Variants in RYR2 observed in about 807,000 individuals in gnomAD.
RYR2 encodes ryanodine receptor 2.
Under a neutral mutation model 601.1 loss-of-function variants are expected in RYR2, and 227 were observed. The observed-to-expected ratio is 0.38, with a 90% CI of 0.34 to 0.42. The LOEUF is 0.42. Ranked by LOEUF, RYR2 falls within the 10% of genes least tolerant of loss-of-function variation. RYR2 has a pLI of 1.00. For missense variants in RYR2, 4,646 were observed against 6,156.5 expected, an observed-to-expected ratio of 0.75 and a Z score of 8.21; for synonymous variants, 2,223 against 2,175.1, an observed-to-expected ratio of 1.02 and a Z score of -0.61.
chr1:237,615,458 C>G (rs578159184), intron 37 of RYR2, among the ~76,000 whole-genome samples: 2 of 152,250 alleles, frequency 1.3e-5, no homozygotes, highest in Admixed American at 6.5e-5. Flanking sequence ...TCCCAAAATG[C>G]TAGGATTACA....
At chr1:237,571,694 C>T (rs1399042712) in intron 29 of RYR2, among the ~76,000 whole-genome samples, 1 of 152,168 alleles carries the variant, frequency 6.6e-6, no homozygotes, top group African/African-American at 2.4e-5. Flanking sequence ...GTTTTATATT[C>T]ATTCATTTAG....
intron 12 of RYR2, among the ~76,000 whole-genome samples, chr1:237,430,821 C>T (rs937834435): frequency 6.6e-6 from 1 of 152,074 alleles, no homozygotes; most frequent in South Asian, 2.1e-4. Context: ...CTTTTGAAAC[C>T]TTTTTCTCTG....
Position 237,358,748 on chromosome 1 carries a change from C to A in RYR2, c.294+2763C>A, listed in dbSNP as rs138558892. ...TAGGACTACACCCAGCCTTTTGCCTCTCAATCTCCAGGCATAGTAAGACAC... is the reference window on the plus strand; with the variant it reads ...TAGGACTACACCCAGCCTTTTGCCTATCAATCTCCAGGCATAGTAAGACAC... On this transcript the variant is annotated intron_variant, in intron 4 of 104. Transcript: ENST00000366574. 2.0e-4 allele frequency among the ~76,000 whole-genome samples: 31 copies of A among 152,026 alleles called. No individual in the cohort carries two copies. The East Asian group carries it at 5.9e-3, about 29-fold the overall frequency.
intron 1 of RYR2, among the ~76,000 whole-genome samples, chr1:237,172,227 T>G (rs1014813364): frequency 3.9e-5 from 6 of 152,234 alleles, no homozygotes; most frequent in Non-Finnish European, 7.4e-5. Flanking sequence ...AGCAGTTTCA[T>G]TAGACTTTGA....
chr1:237,308,748 C>T (rs1183858285), intron 2 of RYR2, among the ~76,000 whole-genome samples: 3 of 152,188 alleles, frequency 2.0e-5, no homozygotes, highest in Middle Eastern at 3.2e-3. Flanking sequence ...TACTGCAAGG[C>T]GTGAAAGAAC....
intron 1 of RYR2, among the ~76,000 whole-genome samples, chr1:237,061,317 A>ATCTATCTG (rs1662865744): frequency 7.8e-6 from 1 of 127,612 alleles, no homozygotes; most frequent in South Asian, 2.6e-4. Context: ...CTATCTATCT[A>ATCTATCTG]TCTATCTAAT....
intron 1 of RYR2, among the ~76,000 whole-genome samples, chr1:237,153,339 A>G (rs1674947988): frequency 6.6e-6 from 1 of 152,228 alleles, no homozygotes; most frequent in Non-Finnish European, 1.5e-5. Context: ...TAAAAGGAAC[A>G]AGTTGGTAGG....
chr1:237,651,552 T>C, intron 51 of RYR2, 51 bp downstream of exon 51: 1 of 1,144,202 alleles, frequency 8.7e-7, no homozygotes, highest in Non-Finnish European at 1.3e-6. Context: ...TCTCTGACTT[T>C]ATTTTCTATG....
intron 1 of RYR2, among the ~76,000 whole-genome samples, chr1:237,247,634 A>G (rs1047368313): frequency 1.3e-5 from 2 of 152,206 alleles, no homozygotes; most frequent in African/African-American, 4.8e-5. Context: ...ATTGTGGCTC[A>G]TCCAGGAGTG....
At chr1:237,282,241 T>C (rs770438898) in intron 2 of RYR2, among the ~76,000 whole-genome samples, 41 of 151,636 alleles carry the variant, frequency 2.7e-4, no homozygotes, top group Non-Finnish European at 4.4e-5. Context: ...GTTTTGTGGG[T>C]CAGATGTTTT....
intron 29 of RYR2, among the ~76,000 whole-genome samples, chr1:237,581,503 T>G (rs1252856059): frequency 2.6e-5 from 4 of 152,162 alleles, no homozygotes; most frequent in African/African-American, 4.8e-5. Context: ...AGGGAAAACT[T>G]TCCATTATTG....
Position 237,718,488 on chromosome 1 carries a change from T to A in RYR2, c.10521T>A (p.Asp3507Glu). ...AAGATACCGAGGATGAAGTACGAGA[T>A]ATAATCCGCAGCAATATTCATTTAC... is the stretch of plus-strand genomic sequence containing the variant. ...SLKDTEDEVR[D>E]IIRSNIHLQG... The change falls in exon 73 of 105, where the codon GAT (aspartate) becomes GAA (glutamate). Residue 3507 changes from aspartate (D) to glutamate (E), a missense_variant. By Grantham distance (45) the Asp-to-Glu change is conservative (BLOSUM62 2). This residue lies in a region of RYR2 where 1,497 missense variants were observed against 1,842.6 expected (regional missense o/e 0.81). Coordinates refer to ENST00000366574, the MANE Select transcript of RYR2 (RefSeq NM_001035.3). 6.3e-7 allele frequency: 1 copy of A among 1,597,130 alleles called. No individual in the cohort carries two copies. The highest frequency in any genetic ancestry group is 1.1e-5 in the South Asian group (1 of 90,262).
chr1:237,246,873 A>C lies in RYR2; in HGVS notation c.49-23624A>C, dbSNP rs1439052047. 2.0e-5 allele frequency among the ~76,000 whole-genome samples: 3 copies of C among 152,208 alleles called. No individual in the cohort carries two copies. In the East Asian group the frequency reaches 5.8e-4, roughly 29 times the overall value. On this transcript the variant is annotated intron_variant, in intron 1 of 104. Transcript: ENST00000366574. ...CATCTATAGGATTACATGACTTAAT[A>C]ACTACTAGCATATAAATTCACTCAT...
At chr1:237,272,420 G>A (rs1278401793) in intron 2 of RYR2, among the ~76,000 whole-genome samples, 1 of 151,866 alleles carries the variant, frequency 6.6e-6, no homozygotes, top group African/African-American at 2.4e-5. Context: ...CTCTAGAGCT[G>A]TAAAGCTGAA....
chr1:237,589,822 G>T lies in RYR2; in HGVS notation c.3628G>T (p.Ala1210Ser). ...CATACCTGTGTGTAGCCTTGGAGTGGCTCAAGTGGGTAGGATGAACTTTGG... is the reference window on the plus strand; with the variant it reads ...CATACCTGTGTGTAGCCTTGGAGTGTCTCAAGTGGGTAGGATGAACTTTGG... ...GFIPVCSLGV[A>S]QVGRMNFGKD... Residue 1210 changes from alanine to serine, a missense_variant, in exon 30 of 105, where the codon GCT (alanine) becomes TCT (serine). Coordinates refer to ENST00000366574, the MANE Select transcript of RYR2 (RefSeq NM_001035.3). The T allele has an allele frequency of 1.2e-6, 2 of 1,613,712 alleles. No homozygotes were observed. Among genetic ancestry groups the T allele is most frequent in the African/African-American group, 2.7e-5 (2 of 74,930 alleles).
At chr1:237,537,297 A>G (rs1338144148) in intron 25 of RYR2, among the ~76,000 whole-genome samples, 1 of 152,114 alleles carries the variant, frequency 6.6e-6, no homozygotes, top group African/African-American at 2.4e-5. Context: ...CCAAATTCCC[A>G]TCAATCCCTA....
chr1:237,538,109 G>C (rs182807157), intron 25 of RYR2, among the ~76,000 whole-genome samples: 10 of 152,216 alleles, frequency 6.6e-5, no homozygotes, highest in Admixed American at 5.9e-4. Context: ...GGAAGTTCAG[G>C]CCAGGAGCAG....
At chr1:237,182,279 G>T (rs866999104) in intron 1 of RYR2, among the ~76,000 whole-genome samples, 1 of 151,862 alleles carries the variant, frequency 6.6e-6, no homozygotes, top group Non-Finnish European at 1.5e-5. Context: ...GCACCACCAC[G>T]CCCAGCTTAT....
intron 15 of RYR2, 30 bp downstream of exon 15, chr1:237,454,604 C>A: frequency 6.2e-7 from 1 of 1,601,638 alleles, no homozygotes; most frequent in Non-Finnish European, 8.5e-7. Flanking sequence ...CATTTCTCTT[C>A]TGTTATTCTC....
Sources: gnomAD v4.1 joint callset for allele counts (sites outside exome capture counted in the v4.1 genomes callset) on GRCh38, gnomAD v4.1.1 for gene constraint, gnomAD v4.1.1 regional missense constraint, MANE v1.5 for transcripts, NCBI Gene and HGNC (gene_info 2026-07-23, HGNC 2026-07-21) for gene names.